The following GNAQ variants were observed in gnomAD, a reference collection of about 807,000 sequenced individuals.
GNAQ encodes the protein guanine nucleotide-binding protein G(q) subunit alpha.
In GNAQ, 8 loss-of-function variants were observed where a neutral mutation model predicts 43.9. That is an observed-to-expected ratio of 0.18 (90% confidence interval 0.11 to 0.33). The LOEUF is 0.33. GNAQ is among the 10% of genes least tolerant of loss of function. The probability of loss-of-function intolerance (pLI) is 1.00; values close to 1 mark genes in which losing one functional copy is unlikely to be tolerated. For synonymous variants in GNAQ, 155 were observed against 170.7 expected (o/e 0.91, Z 0.71); for missense variants, 158 against 450.8 (o/e 0.35, Z 5.88).
At chr9:78,006,777 GC>G (rs1823712194) in intron 1 of GNAQ, among the ~76,000 whole-genome samples, 2 of 152,172 alleles carry the variant, frequency 1.3e-5, no homozygotes, top group Non-Finnish European at 2.9e-5. Flanking sequence ...AGAAGATTTT[GC>G]AATGTAATGC....
chr9:77,996,247 G>C (rs1197513404), intron 1 of GNAQ, among the ~76,000 whole-genome samples: 2 of 152,198 alleles, frequency 1.3e-5, no homozygotes, highest in Non-Finnish European at 2.9e-5. Context: ...AGGTGGCTTA[G>C]AGCTTTATTT....
At chr9:77,724,290 A>C (rs1349312632) in intron 6 of GNAQ, among the ~76,000 whole-genome samples, 1 of 152,106 alleles carries the variant, frequency 6.6e-6, no homozygotes, top group Middle Eastern at 3.2e-3. Context: ...TCCTGGGTTC[A>C]AGCGAAATCT....
At chr9:77,746,246 T>C (rs1486944239) in intron 5 of GNAQ, among the ~76,000 whole-genome samples, 1 of 152,144 alleles carries the variant, frequency 6.6e-6, no homozygotes, top group Non-Finnish European at 1.5e-5. Context: ...CAGAAGGATA[T>C]GTCCTAGTAA....
intron 2 of GNAQ, among the ~76,000 whole-genome samples, chr9:77,901,470 C>A (rs1828616205): frequency 6.6e-6 from 1 of 152,166 alleles, no homozygotes; most frequent in Non-Finnish European, 1.5e-5. Context: ...TCTGTCCAAA[C>A]CCTCCCATCT....
At chr9:77,933,174 T>TTTC (rs1459243378) in intron 1 of GNAQ, among the ~76,000 whole-genome samples, 4 of 152,174 alleles carry the variant, frequency 2.6e-5, no homozygotes, top group Non-Finnish European at 1.5e-5. Context: ...TGTCCTACAT[T>TTTC]CTCTGGGCCT....
intron 5 of GNAQ, among the ~76,000 whole-genome samples, chr9:77,786,968 T>C (rs929896538): frequency 6.6e-6 from 1 of 152,084 alleles, no homozygotes; most frequent in African/African-American, 2.4e-5. Context: ...AAGTAAATTG[T>C]GGAATTTTCA....
rs188747885 is a variant in GNAQ, at chr9:78,030,790, G to A, written c.136+310C>T. ...CGGAGTGATCTGCCATTTAGCAGAT[G>A]CACAGCAGATAAGGTACAGCCCTCA... On this transcript the variant is annotated intron_variant, in intron 1 of 6. Transcript: ENST00000286548. 7.8e-4 allele frequency among the ~76,000 whole-genome samples: 119 copies of A among 152,214 alleles called. 1 individual carries two copies. In the South Asian group the frequency reaches 8.7e-3, roughly 11 times the overall value.
At chr9:77,870,572 C>T (rs375763159) in intron 2 of GNAQ, among the ~76,000 whole-genome samples, 7 of 151,920 alleles carry the variant, frequency 4.6e-5, no homozygotes, top group East Asian at 1.9e-4. Flanking sequence ...GTGATCCGCC[C>T]GCCTTGCCTC....
At chr9:77,969,684 A>T (rs1208392398) in intron 1 of GNAQ, among the ~76,000 whole-genome samples, 1 of 152,220 alleles carries the variant, frequency 6.6e-6, no homozygotes, top group African/African-American at 2.4e-5. Context: ...CTTACTTTCT[A>T]GCCACATCAA....
In GNAQ at chr9:78,000,973, T is replaced by C. The variant is rs535184536; in HGVS notation, c.136+30127A>G. On this transcript the variant is annotated intron_variant, in intron 1 of 6. Transcript: ENST00000286548. ...CAAAAACATAACTTTGCAGTAACCT[T>C]GTGACTAGCTGGGTATCAGAGCAGC... 2.6e-5 allele frequency among the ~76,000 whole-genome samples: 4 copies of C among 152,316 alleles called. No homozygotes were observed. In the South Asian group the frequency reaches 8.3e-4, roughly 32 times the overall value.
chr9:77,758,649 T>C (rs911993420), intron 5 of GNAQ, among the ~76,000 whole-genome samples: 3 of 152,224 alleles, frequency 2.0e-5, no homozygotes, highest in Admixed American at 1.3e-4. Flanking sequence ...TATGTACTTA[T>C]GTATATATAA....
At chr9:77,986,150 C>A (rs1463588758) in intron 1 of GNAQ, among the ~76,000 whole-genome samples, 1 of 152,162 alleles carries the variant, frequency 6.6e-6, no homozygotes, top group South Asian at 2.1e-4. Context: ...GCCACCACCA[C>A]CTTTCCCTTG....
At chr9:77,822,252 C>T (rs1350525660) in intron 2 of GNAQ, among the ~76,000 whole-genome samples, 2 of 152,178 alleles carry the variant, frequency 1.3e-5, no homozygotes, top group Non-Finnish European at 2.9e-5. Flanking sequence ...TTTGAAAACA[C>T]TGACTAGAGA....
chr9:77,923,405 A>T (rs1275438635), intron 1 of GNAQ, among the ~76,000 whole-genome samples: 1 of 152,164 alleles, frequency 6.6e-6, no homozygotes, highest in African/African-American at 2.4e-5. Flanking sequence ...TTCCGTTACC[A>T]TAAGCCTGAA....
At chr9:77,919,814 A>C (rs752676093) in intron 2 of GNAQ, among the ~76,000 whole-genome samples, 5 of 152,166 alleles carry the variant, frequency 3.3e-5, no homozygotes, top group Admixed American at 6.5e-5. Context: ...TTTATAACTG[A>C]ATAGTATTCA....
chr9:78,001,187 C>T (rs1244450431), intron 1 of GNAQ, among the ~76,000 whole-genome samples: 1 of 152,032 alleles, frequency 6.6e-6, no homozygotes, highest in Non-Finnish European at 1.5e-5. Context: ...CACTTGAGGT[C>T]AGGAGTTAGA....
chr9:78,030,676 C>T lies in GNAQ; in HGVS notation c.136+424G>A. On this transcript the variant is annotated intron_variant, in intron 1 of 6. Coordinates refer to ENST00000286548, the MANE Select transcript of GNAQ (RefSeq NM_002072.5). ...GCCACCCGCTGGGCCACACACACGG[C>T]TCCCCACGCCACCACCCCATGGGGT... 4 of 410,866 alleles carry T rather than the reference C, an allele frequency of 9.7e-6. 1 individual carries two copies. The highest frequency in any genetic ancestry group is 7.4e-5 in the South Asian group (4 of 54,368). The allele number at this position is 410,866 out of a possible 1,614,324, so 25.5% of individuals were successfully genotyped here. A position where few individuals can be genotyped will look rare whatever the true frequency, so the allele number is the denominator to read the frequency against.
At chr9:77,819,317 G>C (rs913422147) in intron 2 of GNAQ, among the ~76,000 whole-genome samples, 1 of 152,108 alleles carries the variant, frequency 6.6e-6, no homozygotes, top group Non-Finnish European at 1.5e-5. Context: ...TAAAATTCAG[G>C]TAAATCTTCG....
intron 2 of GNAQ, among the ~76,000 whole-genome samples, chr9:77,890,658 G>A (rs1442019283): frequency 6.6e-6 from 1 of 151,390 alleles, no homozygotes; most frequent in African/African-American, 2.4e-5. Context: ...AGGAGGCGGA[G>A]GTTGCGGTGA....
Sources: gnomAD v4.1 joint callset for allele counts (sites outside exome capture counted in the v4.1 genomes callset) on GRCh38, gnomAD v4.1.1 for gene constraint, MANE v1.5 for transcripts, NCBI Gene and HGNC (gene_info 2026-07-23, HGNC 2026-07-21) for gene names.